Variants in PIEZO2 observed in about 807,000 individuals in gnomAD.
PIEZO2 encodes the protein piezo-type mechanosensitive ion channel component 2.
In PIEZO2, 172 loss-of-function variants were observed where a neutral mutation model predicts 337.3. The ratio of observed to expected loss-of-function variants is 0.51; its 90% CI spans 0.45 to 0.58. The LOEUF (loss-of-function observed/expected upper bound fraction) is 0.58. Ranked by LOEUF, PIEZO2 falls within the 20% of genes least tolerant of loss-of-function variation. The pLI, the probability that PIEZO2 is intolerant of heterozygous loss-of-function variation, is 0.00. For missense variants in PIEZO2, 3,028 were observed against 3,391.3 expected, an observed-to-expected ratio of 0.89 and a Z score of 2.66; for synonymous variants, 1,251 against 1,228.5, an observed-to-expected ratio of 1.02 and a Z score of -0.38.
At chr18:10,994,292 A>G (rs1185770243) in intron 2 of PIEZO2, among the ~76,000 whole-genome samples, 1 of 152,222 alleles carries the variant, frequency 6.6e-6, no homozygotes, top group African/African-American at 2.4e-5. Flanking sequence ...GTGCTGCTAT[A>G]AACATGCATA....
In PIEZO2 at chr18:10,747,780, A is replaced by C. The variant is rs566157657; in HGVS notation, c.4424+691T>G. Among the ~76,000 whole-genome samples the C allele has an allele frequency of 2.6e-5, 4 of 152,360 alleles. No homozygotes were observed. In the South Asian group the frequency reaches 8.3e-4, roughly 32 times the overall value. On this transcript the variant is annotated intron_variant, in intron 30 of 55. Coordinates refer to ENST00000674853, the MANE Select transcript of PIEZO2 (RefSeq NM_001378183.1). Reference sequence around the variant, plus strand: ...AACTGTAGGTAAACACAGATATATTAGTCTGAACTTCGAGTCAAATGATAG... The same window carrying C: ...AACTGTAGGTAAACACAGATATATTCGTCTGAACTTCGAGTCAAATGATAG...
chr18:10,710,743 C>T (rs1422583449), intron 39 of PIEZO2, among the ~76,000 whole-genome samples: 1 of 152,210 alleles, frequency 6.6e-6, no homozygotes, highest in African/African-American at 2.4e-5. Flanking sequence ...GCCTCCTGGC[C>T]ACCAGACCCT....
In PIEZO2 at chr18:10,969,844, G is replaced by A. The variant is rs577790531; in HGVS notation, c.286+9691C>T. Among the ~76,000 whole-genome samples, 168 of 152,118 alleles carry A rather than the reference G, an allele frequency of 1.1e-3. 1 individual carries two copies. Among genetic ancestry groups the A allele is most frequent in the Non-Finnish European group, 2.0e-3 (138 of 68,006 alleles). On this transcript the variant is annotated intron_variant, in intron 3 of 55. Transcript: ENST00000674853. The surrounding 1 kb of genome is among the most constrained non-coding windows in gnomAD (Gnocchi z 4.5). ...AGGTCCAGCAGGTGAGGACACCACC[G>A]AGAATCGGTCACAAAACAAAGCAAG...
At chr18:11,055,504 A>G (rs2037698028) in intron 2 of PIEZO2, among the ~76,000 whole-genome samples, 1 of 152,234 alleles carries the variant, frequency 6.6e-6, no homozygotes, top group African/African-American at 2.4e-5. Flanking sequence ...GAATTCTGGG[A>G]GGAGGCCATC....
Position 10,791,309 on chromosome 18 carries a change from T to C in PIEZO2, c.1774A>G (p.Thr592Ala), listed in dbSNP as rs2039404301. The C allele has an allele frequency of 1.3e-6, 2 of 1,519,586 alleles. No homozygotes were observed. Among genetic ancestry groups the C allele is most frequent in the Non-Finnish European group, 1.8e-6 (2 of 1,139,172 alleles). The allele number at this position is 1,519,586 out of a possible 1,614,324, so 94.1% of individuals were successfully genotyped here. A position where few individuals can be genotyped will look rare whatever the true frequency, so the allele number is the denominator to read the frequency against. The change falls in exon 14 of 56, where the codon ACT (threonine) becomes GCT (alanine). Residue 592 changes from threonine to alanine, a missense_variant. Physicochemically the swap from Thr to Ala is moderately conservative, Grantham distance 58 (BLOSUM62 0). Transcript: ENST00000674853. ...TGCTGCCTCAGCAGTAGCCAAAAAG[T>C]AATGGTGAAAAGGATCTGAAAGTAG... ...ELASKILFTITFWLLLRQHLT... is the reference protein window; with the variant it reads ...ELASKILFTIAFWLLLRQHLT...
At chr18:11,061,084 T>G (rs953494934) in intron 2 of PIEZO2, among the ~76,000 whole-genome samples, 1 of 152,216 alleles carries the variant, frequency 6.6e-6, no homozygotes, top group Non-Finnish European at 1.5e-5. Flanking sequence ...ATCCCTGGGA[T>G]GCAAGGCTGG....
In PIEZO2 at chr18:10,882,834, C is replaced by CTTTTTTTTTTTTTTTTTTT. The variant is rs745618117; in HGVS notation, c.330-11420_330-11419insAAAAAAAAAAAAAAAAAAA. On this transcript the variant is annotated intron_variant, in intron 4 of 55. Transcript: ENST00000674853. The stretch of plus-strand genomic sequence containing the variant: ...CCATTGTGCATATGTACCACATTTT[C>CTTTTTTTTTTTTTTTTTTT]TTTTTTTCTTTTTTTTTTTTTTTGA... Among the ~76,000 whole-genome samples the CTTTTTTTTTTTTTTTTTTT allele has an allele frequency of 1.8e-5, 2 of 109,984 alleles. 1 individual carries two copies. The highest frequency in any genetic ancestry group is 3.7e-5 in the Non-Finnish European group (2 of 54,602). The allele number at this position is 109,984 out of a possible 152,430, so 72.2% of individuals were successfully genotyped here. A position where few individuals can be genotyped will look rare whatever the true frequency, so the allele number is the denominator to read the frequency against.
intron 2 of PIEZO2, among the ~76,000 whole-genome samples, chr18:10,996,886 T>C (rs1008515036): frequency 1.3e-5 from 2 of 152,042 alleles, no homozygotes; most frequent in African/African-American, 4.8e-5. Context: ...AACTCTCCCA[T>C]CCCAAATTTA....
At chr18:10,818,750 T>C (rs1295266692) in intron 7 of PIEZO2, among the ~76,000 whole-genome samples, 1 of 152,218 alleles carries the variant, frequency 6.6e-6, no homozygotes, top group Admixed American at 6.5e-5. Context: ...TCTCAAAATA[T>C]TTGTTTAGAG....
chr18:10,799,212 C>G (rs1031636868), intron 11 of PIEZO2, among the ~76,000 whole-genome samples: 16 of 138,532 alleles, frequency 1.2e-4, no homozygotes, highest in East Asian at 4.0e-4. Context: ...TGTGGCCACT[C>G]ACTAAAGGCA....
chr18:11,005,421 G>A (rs2035683458), intron 2 of PIEZO2, among the ~76,000 whole-genome samples: 1 of 152,124 alleles, frequency 6.6e-6, no homozygotes, highest in Non-Finnish European at 1.5e-5. Flanking sequence ...AGCTTAACAT[G>A]TATTGAGTAT....
Position 11,129,738 on chromosome 18 carries a change from A to T in PIEZO2, c.64+18787T>A, listed in dbSNP as rs2040287216. On this transcript the variant is annotated intron_variant, in intron 1 of 55. Coordinates refer to ENST00000674853, the MANE Select transcript of PIEZO2 (RefSeq NM_001378183.1). The surrounding 1 kb of genome is among the most constrained non-coding windows in gnomAD (Gnocchi z 4.6). ...GGTAACTGTGCATTGAGGAAAGGGA[A>T]ATGATCAGACATTTCAGGGACTACT... Among the ~76,000 whole-genome samples, 1 of 152,176 alleles carries T rather than the reference A, an allele frequency of 6.6e-6. No individual in the cohort carries two copies. The highest frequency in any genetic ancestry group is 2.4e-5 in the African/African-American group (1 of 41,446).
At chr18:10,823,603 T>C (rs1598536468) in intron 7 of PIEZO2, among the ~76,000 whole-genome samples, 1 of 152,192 alleles carries the variant, frequency 6.6e-6, no homozygotes, top group South Asian at 2.1e-4. Flanking sequence ...TCTTCAAATA[T>C]GGCCTTCCTT....
chr18:10,693,997 TG>T (rs1223827633), intron 47 of PIEZO2, among the ~76,000 whole-genome samples: 2 of 152,184 alleles, frequency 1.3e-5, no homozygotes, highest in Non-Finnish European at 2.9e-5. Flanking sequence ...TATTATAGCC[TG>T]GGCTATATTT....
chr18:10,684,425 A>G lies in PIEZO2; in HGVS notation c.7498-2133T>C, dbSNP rs562091603. On this transcript the variant is annotated intron_variant, in intron 49 of 55. Transcript: ENST00000674853. ...CGTGATCTGCCCGCCTCGGCCTCCCAAAGTGCTGGGATTACAAGCGTGAAC... is the reference window on the plus strand; with the variant it reads ...CGTGATCTGCCCGCCTCGGCCTCCCGAAGTGCTGGGATTACAAGCGTGAAC... 8.8e-5 allele frequency among the ~76,000 whole-genome samples: 13 copies of G among 147,082 alleles called. No individual in the cohort carries two copies. In the South Asian group the frequency reaches 2.4e-3, roughly 27 times the overall value.
chr18:11,067,955 T>C (rs2038205834), intron 1 of PIEZO2, among the ~76,000 whole-genome samples: 1 of 152,230 alleles, frequency 6.6e-6, no homozygotes, highest in Non-Finnish European at 1.5e-5. Flanking sequence ...GGAGTCTTGC[T>C]CTGTCCCCCA....
rs1156523088 is a variant in PIEZO2 at position 10,716,391 on chromosome 18, A to C, written c.5090-575T>G. ...ACATTTTCTCTAGCTTCCTTATATA[A>C]TATGTGTATATAGTGACATCTGATG... On this transcript the variant is annotated intron_variant, in intron 37 of 55. Transcript: ENST00000674853. The surrounding 1 kb of genome is among the most constrained non-coding windows in gnomAD (Gnocchi z 4.1). Among the ~76,000 whole-genome samples the C allele has an allele frequency of 6.6e-6, 1 of 152,102 alleles. No individual in the cohort carries two copies. Among genetic ancestry groups the C allele is most frequent in the African/African-American group, 2.4e-5 (1 of 41,400 alleles).
chr18:10,958,906 A>T (rs1438669915), intron 3 of PIEZO2, among the ~76,000 whole-genome samples: 1 of 152,212 alleles, frequency 6.6e-6, no homozygotes, highest in Admixed American at 6.5e-5. Flanking sequence ...TTACTGGCAC[A>T]GTTATAAAAG....
At chr18:11,056,117 C>T (rs1398538413) in intron 2 of PIEZO2, among the ~76,000 whole-genome samples, 2 of 152,202 alleles carry the variant, frequency 1.3e-5, no homozygotes, top group African/African-American at 4.8e-5. Context: ...CAGTGGGGGC[C>T]TCAGCTGCTG....
Sources: allele counts gnomAD v4.1 joint callset (sites outside exome capture counted in the v4.1 genomes callset), GRCh38; gene constraint gnomAD v4.1.1; non-coding constraint Gnocchi (gnomAD v3.1); transcripts MANE v1.5; gene names NCBI Gene and HGNC (gene_info 2026-07-23, HGNC 2026-07-21).